The following SHCBP1L variants were observed in gnomAD, a reference collection of about 807,000 sequenced individuals.
SHCBP1L encodes the protein testicular spindle-associated protein SHCBP1L.
A neutral mutation model predicts 62.5 loss-of-function variants in SHCBP1L; 67 were observed. The observed-to-expected ratio is 1.07, with a 90% CI of 0.88 to 1.31. The LOEUF (loss-of-function observed/expected upper bound fraction) is 1.31, where lower values mean the gene tolerates loss of function less well. Among genes scored for constraint, SHCBP1L ranks in the 40% most tolerant of loss-of-function variants. The pLI is 0.00. For missense variants in SHCBP1L, 823 were observed against 809.8 expected (o/e 1.02, Z -0.20); for synonymous variants, 284 against 289.4 (o/e 0.98, Z 0.19).
rs186502832 is a variant in SHCBP1L at position 182,919,093 on chromosome 1, G to A, written c.1182+10554C>T. Reference sequence around the variant, plus strand: ...TCTTCATGATCTTGAACTTGGCAGCGGATTCTAAGGTATGACACAAAAGCA... The same window carrying A: ...TCTTCATGATCTTGAACTTGGCAGCAGATTCTAAGGTATGACACAAAAGCA... On this transcript the variant is annotated intron_variant, in intron 6 of 9. Coordinates refer to ENST00000367547, the MANE Select transcript of SHCBP1L (RefSeq NM_030933.4). 9.2e-5 allele frequency among the ~76,000 whole-genome samples: 14 copies of A among 152,202 alleles called. No homozygotes were observed. In the East Asian group the frequency reaches 1.2e-3, roughly 13 times the overall value.
chr1:182,946,059 TAA>T (rs1392288364), intron 2 of SHCBP1L, among the ~76,000 whole-genome samples: 46 of 127,778 alleles, frequency 3.6e-4, no homozygotes, highest in Admixed American at 3.2e-4. Flanking sequence ...GACTCCGTCT[TAA>T]AAAAAAAAAA....
rs765850573 is a variant in SHCBP1L, at chr1:182,904,385, C to T, written c.1382G>A (p.Arg461His). ...EEIMITSEPSRDSFVVSKADN... is the reference protein window; with the variant it reads ...EEIMITSEPSHDSFVVSKADN... ...AGCTTTGGACACCACAAAACTGTCA[C>T]GAGAAGGTTCAGAAGTAATCATAAT... Residue 461 changes from arginine (R) to histidine (H), a missense_variant, in exon 8 of 10, where the codon CGT becomes CAT. By Grantham distance (29) the Arg-to-His change is conservative. Transcript: ENST00000367547. 7.4e-6 allele frequency: 12 copies of T among 1,614,008 alleles called. No individual in the cohort carries two copies. Among genetic ancestry groups the T allele is most frequent in the Middle Eastern group, 1.6e-4 (1 of 6,084 alleles).
At chr1:182,901,760 C>T (rs1649845586) in intron 9 of SHCBP1L, among the ~76,000 whole-genome samples, 3 of 150,880 alleles carry the variant, frequency 2.0e-5, no homozygotes, top group Non-Finnish European at 4.4e-5. Context: ...GCCAATGCTG[C>T]TGGTCCATGG....
intron 5 of SHCBP1L, among the ~76,000 whole-genome samples, chr1:182,934,473 C>A (rs1651105323): frequency 6.6e-6 from 1 of 152,016 alleles, no homozygotes; most frequent in African/African-American, 2.4e-5. Flanking sequence ...ATGCTTTTTT[C>A]TGTCTGTGTG....
At chr1:182,925,049 A>AAAGGGAAGGAAGGGAAGG (rs1386090518) in intron 6 of SHCBP1L, among the ~76,000 whole-genome samples, 6 of 117,722 alleles carry the variant, frequency 5.1e-5, no homozygotes, top group Admixed American at 2.5e-4. Flanking sequence ...GGAAGGGAAG[A>AAAGGGAAGGAAGGGAAGG]AAGGGAAGGA....
chr1:182,930,443 T>C (rs1024288541), intron 5 of SHCBP1L, among the ~76,000 whole-genome samples: 62 of 150,618 alleles, frequency 4.1e-4, no homozygotes, highest in African/African-American at 1.5e-3. Context: ...GACACTCTTT[T>C]TCCAATAGAT....
intron 6 of SHCBP1L, among the ~76,000 whole-genome samples, chr1:182,918,845 C>T (rs1482581850): frequency 6.6e-6 from 1 of 151,982 alleles, no homozygotes; most frequent in Non-Finnish European, 1.5e-5. Flanking sequence ...AGAAATAAAC[C>T]CAATTATGGG....
At chr1:182,942,450 G>T (rs934285957) in intron 2 of SHCBP1L, 43 of 673,860 alleles carry the variant, frequency 6.4e-5, no homozygotes, top group Non-Finnish European at 8.5e-5. Flanking sequence ...GCCGTGGCGC[G>T]CCGAGAGCCT....
In SHCBP1L at chr1:182,922,722, C is replaced by T. The variant is rs138252120; in HGVS notation, c.1182+6925G>A. On this transcript the variant is annotated intron_variant, in intron 6 of 9. Transcript: ENST00000367547. The stretch of plus-strand genomic sequence containing the variant: ...GAAACTAATGAGAACAAGGATATAA[C>T]ATACCAGAAACTCTGAGACACAGCT... Among the ~76,000 whole-genome samples, 261 of 152,186 alleles carry T rather than the reference C, an allele frequency of 1.7e-3. 1 individual carries two copies. Among genetic ancestry groups the T allele is most frequent in the African/African-American group, 5.8e-3 (240 of 41,520 alleles).
Position 182,930,559 on chromosome 1 carries a change from A to G in SHCBP1L, c.1077-807T>C, listed in dbSNP as rs1282947870. Among the ~76,000 whole-genome samples the G allele has an allele frequency of 2.8e-3, 98 of 35,166 alleles. 2 individuals carry two copies. In the East Asian group the frequency reaches 0.028, roughly 10 times the overall value. The allele number at this position is 35,166 out of a possible 152,430, so 23.1% of individuals were successfully genotyped here. On this transcript the variant is annotated intron_variant, in intron 5 of 9. Transcript: ENST00000367547. ...GTGGCTTTAGTGTGTGTGTATATAT[A>G]TATATATATATATATATATATATAT...
intron 6 of SHCBP1L, 51 bp from the exon 7 acceptor site, chr1:182,905,700 A>G: frequency 3.9e-6 from 6 of 1,549,562 alleles, no homozygotes; most frequent in South Asian, 1.2e-5. Flanking sequence ...AAACTGAAAC[A>G]TGTCATTTTA....
rs563165038 is a variant in SHCBP1L at position 182,942,791 on chromosome 1, G to A, written c.556-2248C>T. Among the ~76,000 whole-genome samples, 55 of 152,026 alleles carry A rather than the reference G, an allele frequency of 3.6e-4. No individual in the cohort carries two copies. The East Asian group carries it at 8.3e-3, about 23-fold the overall frequency. On this transcript the variant is annotated intron_variant, in intron 2 of 9. Coordinates refer to ENST00000367547, the MANE Select transcript of SHCBP1L (RefSeq NM_030933.4). ...CAGCCAATGAAATTCTTTATTTTTCGGTAGAGTTATGTCACAAAAAATATT... is the reference window on the plus strand; with the variant it reads ...CAGCCAATGAAATTCTTTATTTTTCAGTAGAGTTATGTCACAAAAAATATT...
chr1:182,925,835 C>T (rs995955491), intron 6 of SHCBP1L, among the ~76,000 whole-genome samples: 1 of 152,052 alleles, frequency 6.6e-6, no homozygotes, highest in African/African-American at 2.4e-5. Flanking sequence ...AATGTATAAG[C>T]AGATCATTGT....
Position 182,903,172 on chromosome 1 carries a change from A to G in SHCBP1L, c.1588-11T>C, listed in dbSNP as rs763284888. ...TTCAACACCAGCACCCTGTAAATTA[A>G]AAGCAAATAAAACTATCTACAAAAT... On this transcript the variant is annotated splice_polypyrimidine_tract_variant and intron_variant, in intron 8 of 9. Coordinates refer to ENST00000367547, the MANE Select transcript of SHCBP1L (RefSeq NM_030933.4). 2 of 1,518,266 alleles carry G rather than the reference A, an allele frequency of 1.3e-6. No individual in the cohort carries two copies. Among genetic ancestry groups the G allele is most frequent in the South Asian group, 2.7e-5 (2 of 73,552 alleles). The allele number at this position is 1,518,266 out of a possible 1,614,324, so 94.0% of individuals were successfully genotyped here. A position where few individuals can be genotyped will look rare whatever the true frequency, so the allele number is the denominator to read the frequency against.
At chr1:182,939,865 A>G (rs901163508) in intron 3 of SHCBP1L, among the ~76,000 whole-genome samples, 2 of 152,182 alleles carry the variant, frequency 1.3e-5, no homozygotes, top group Non-Finnish European at 2.9e-5. Context: ...GGAGGAAAAC[A>G]TTAGAAAAAC....
intron 5 of SHCBP1L, among the ~76,000 whole-genome samples, chr1:182,932,832 A>C (rs908653560): frequency 5.9e-5 from 9 of 151,686 alleles, no homozygotes; most frequent in Non-Finnish European, 1.2e-4. Flanking sequence ...TATACTATGC[A>C]TTCTTTTGTG....
chr1:182,950,676 GA>G (rs1285621787), intron 2 of SHCBP1L: 1 of 151,030 alleles, frequency 6.6e-6, no homozygotes, highest in Non-Finnish European at 1.5e-5. Context: ...GCGACAGGAC[GA>G]AACTCTGTTT....
chr1:182,910,971 C>T (rs540401497), intron 6 of SHCBP1L, among the ~76,000 whole-genome samples: 1 of 152,080 alleles, frequency 6.6e-6, no homozygotes, highest in South Asian at 2.1e-4. Flanking sequence ...CTCACTGCAG[C>T]CTCTTCCTCC....
chr1:182,942,074 G>A, intron 2 of SHCBP1L: 1 of 916,854 alleles, frequency 1.1e-6, no homozygotes, highest in South Asian at 1.3e-5. Flanking sequence ...AGGGAGACAG[G>A]GACCACTGAT....
Sources: gnomAD v4.1 joint callset for allele counts (sites outside exome capture counted in the v4.1 genomes callset) on GRCh38, gnomAD v4.1.1 for gene constraint, MANE v1.5 for transcripts, NCBI Gene and HGNC (gene_info 2026-07-23, HGNC 2026-07-21) for gene names.